The following DPYD variants were observed in gnomAD, a reference collection of about 807,000 sequenced individuals.
DPYD encodes dihydropyrimidine dehydrogenase [NADP(+)].
In DPYD, 109 loss-of-function variants were observed where a neutral mutation model predicts 116.2. That is an observed-to-expected ratio of 0.94 (90% CI 0.80 to 1.10). The LOEUF (loss-of-function observed/expected upper bound fraction) is 1.10, where lower values mean the gene tolerates loss of function less well. Among genes scored for constraint, DPYD ranks in the 50% least tolerant of loss-of-function variants. The pLI is 0.00. For missense variants in DPYD, 1,302 were observed against 1,254.5 expected (o/e 1.04, Z -0.57); for synonymous variants, 440 against 432.0 (o/e 1.02, Z -0.23).
At chr1:97,611,681 C>G (rs547315952) in intron 8 of DPYD, among the ~76,000 whole-genome samples, 30 of 152,070 alleles carry the variant, frequency 2.0e-4, no homozygotes, top group African/African-American at 7.0e-4. Context: ...GAGCCAGAAC[C>G]TAAGTTTGAG....
rs186560085 is a variant in DPYD, at chr1:97,572,660, T to A, written c.1339+1100A>T. 2.4e-3 allele frequency among the ~76,000 whole-genome samples: 361 copies of A among 152,110 alleles called. 5 individuals are homozygous for A. Among genetic ancestry groups the A allele is most frequent in the African/African-American group, 8.3e-3 (346 of 41,538 alleles). Reference sequence around the variant, plus strand: ...ATTCAGTTAAATAAATAAACTATACTCTGACTGTGTCTACATACCACATAA... The same window carrying A: ...ATTCAGTTAAATAAATAAACTATACACTGACTGTGTCTACATACCACATAA... On this transcript the variant is annotated intron_variant, in intron 11 of 22. Coordinates refer to ENST00000370192, the MANE Select transcript of DPYD (RefSeq NM_000110.4).
In DPYD at chr1:97,679,966, A is replaced by G. The variant is rs1005793041; in HGVS notation, c.763-784T>C. The stretch of plus-strand genomic sequence containing the variant: ...CCTGGAAAAAGGGGAATGATCAGAC[A>G]TTTCAAGGACTATTAAGCACTGGTT... On this transcript the variant is annotated intron_variant, in intron 7 of 22. Coordinates refer to ENST00000370192, the MANE Select transcript of DPYD (RefSeq NM_000110.4). Among the ~76,000 whole-genome samples the G allele has an allele frequency of 2.0e-5, 3 of 152,152 alleles. 1 individual carries two copies. Among genetic ancestry groups the G allele is most frequent in the South Asian group, 4.1e-4 (2 of 4,838 alleles).
At chr1:97,204,735 T>C (rs1188645452) in intron 19 of DPYD, among the ~76,000 whole-genome samples, 2 of 152,122 alleles carry the variant, frequency 1.3e-5, no homozygotes, top group Non-Finnish European at 2.9e-5. Flanking sequence ...AGACTTTCAC[T>C]TGTCCCTGTG....
chr1:97,235,285 A>T (rs758866498), intron 18 of DPYD, among the ~76,000 whole-genome samples: 1 of 152,214 alleles, frequency 6.6e-6, no homozygotes, highest in Non-Finnish European at 1.5e-5. Flanking sequence ...CACATATTAC[A>T]TGCATATTAC....
chr1:97,170,524 G>A (rs969346262), intron 20 of DPYD, among the ~76,000 whole-genome samples: 1 of 152,168 alleles, frequency 6.6e-6, no homozygotes, highest in African/African-American at 2.4e-5. Flanking sequence ...AGGCAATGCA[G>A]CTGATGAAGG....
chr1:97,837,239 ACT>A (rs775254167), intron 2 of DPYD, among the ~76,000 whole-genome samples: 1 of 151,930 alleles, frequency 6.6e-6, no homozygotes, highest in Non-Finnish European at 1.5e-5. Flanking sequence ...ATTAGATTCC[ACT>A]CTCTGTTGTT....
intron 19 of DPYD, among the ~76,000 whole-genome samples, chr1:97,199,511 T>G (rs906105258): frequency 2.0e-5 from 3 of 152,182 alleles, no homozygotes; most frequent in Non-Finnish European, 2.9e-5. Context: ...AATTTCATAC[T>G]ATGAATAAAT....
chr1:97,868,611 A>G (rs948138720), intron 2 of DPYD, among the ~76,000 whole-genome samples: 3 of 151,794 alleles, frequency 2.0e-5, no homozygotes, highest in Non-Finnish European at 4.4e-5. Context: ...TAGTTAGATT[A>G]CCATAATTAT....
At chr1:97,156,937 A>G (rs2101733319) in intron 20 of DPYD, among the ~76,000 whole-genome samples, 1 of 152,026 alleles carries the variant, frequency 6.6e-6, no homozygotes, top group South Asian at 2.1e-4. Context: ...CTATGCAGCC[A>G]TAAAAAATGA....
At chr1:97,100,634 C>T (rs1417090012) in intron 20 of DPYD, among the ~76,000 whole-genome samples, 1 of 152,032 alleles carries the variant, frequency 6.6e-6, no homozygotes, top group East Asian at 1.9e-4. Flanking sequence ...AAAGGCCATT[C>T]AAAAGAAATC....
At chr1:97,246,185 T>C (rs904779035) in intron 18 of DPYD, among the ~76,000 whole-genome samples, 2 of 152,186 alleles carry the variant, frequency 1.3e-5, no homozygotes, top group African/African-American at 4.8e-5. Flanking sequence ...ATAACATTTC[T>C]TCCTAAATTT....
At chr1:97,585,261 G>GA (rs1186695508) in intron 10 of DPYD, among the ~76,000 whole-genome samples, 1 of 152,096 alleles carries the variant, frequency 6.6e-6, no homozygotes, top group Non-Finnish European at 1.5e-5. Flanking sequence ...TACCCTATGT[G>GA]ATAAATTCTA....
intron 8 of DPYD, among the ~76,000 whole-genome samples, chr1:97,610,656 A>G (rs902910521): frequency 3.9e-5 from 6 of 152,058 alleles, no homozygotes; most frequent in African/African-American, 1.4e-4. Flanking sequence ...AAATAACTAC[A>G]GAAACAGACT....
intron 18 of DPYD, among the ~76,000 whole-genome samples, chr1:97,296,425 C>A (rs752398236): frequency 3.3e-5 from 5 of 151,476 alleles, no homozygotes; most frequent in Non-Finnish European, 5.9e-5. Flanking sequence ...ATGTCTACAC[C>A]TAAAAAAAAG....
intron 8 of DPYD, among the ~76,000 whole-genome samples, chr1:97,644,087 AAAAG>A (rs1388230918): frequency 6.6e-6 from 1 of 152,144 alleles, no homozygotes; most frequent in Non-Finnish European, 1.5e-5. Flanking sequence ...TATAATAAAA[AAAAG>A]AAAATTGTAT....
Position 97,155,853 on chromosome 1 carries a change from A to G in DPYD, c.2622+37216T>C, listed in dbSNP as rs145640243. On this transcript the variant is annotated intron_variant, in intron 20 of 22. Transcript: ENST00000370192. ...ATAAGACAGATGAGATGCTTCTTAC[A>G]TTGAGATTTTATTTTATTGTATTAT... Among the ~76,000 whole-genome samples, 129 of 152,262 alleles carry G rather than the reference A, an allele frequency of 8.5e-4. 1 individual carries two copies. The East Asian group carries it at 0.024, about 29-fold the overall frequency.
chr1:97,264,176 T>G (rs1463546135), intron 18 of DPYD, among the ~76,000 whole-genome samples: 3 of 116,752 alleles, frequency 2.6e-5, no homozygotes, highest in East Asian at 2.3e-4. Context: ...TTTTTTTTTT[T>G]TTTTTTTTTT....
At chr1:97,369,355 A>G (rs1671196637) in intron 16 of DPYD, among the ~76,000 whole-genome samples, 1 of 152,158 alleles carries the variant, frequency 6.6e-6, no homozygotes, top group East Asian at 1.9e-4. Context: ...ATTTAGAGAA[A>G]TGAAATAGAA....
At chr1:97,782,263 G>A (rs887598510) in intron 3 of DPYD, among the ~76,000 whole-genome samples, 3 of 152,084 alleles carry the variant, frequency 2.0e-5, no homozygotes, top group African/African-American at 4.8e-5. Flanking sequence ...CATAAATCAC[G>A]GCGCAGAGCT....
Sources: allele counts gnomAD v4.1 joint callset (sites outside exome capture counted in the v4.1 genomes callset), GRCh38; gene constraint gnomAD v4.1.1; transcripts MANE v1.5; gene names NCBI Gene and HGNC (gene_info 2026-07-23, HGNC 2026-07-21).